The following C2CD3 variants were observed in gnomAD, a reference collection of about 807,000 sequenced individuals.
The protein encoded by C2CD3 is C2 domain-containing protein 3.
C2CD3 carries 148 observed loss-of-function variants against 234.0 expected under a neutral mutation model. The ratio of observed to expected loss-of-function variants is 0.63; its 90% CI spans 0.55 to 0.72. The LOEUF (loss-of-function observed/expected upper bound fraction) is 0.72. Among genes scored for constraint, C2CD3 ranks in the 30% least tolerant of loss-of-function variants. The pLI, the probability that C2CD3 is intolerant of heterozygous loss-of-function variation, is 0.00. For missense variants in C2CD3, 2,577 were observed against 2,811.5 expected (o/e 0.92, Z 1.89); for synonymous variants, 1,000 against 1,035.4 (o/e 0.97, Z 0.66).
In C2CD3 at chr11:74,103,480, T is replaced by G; in HGVS notation, c.2231A>C (p.Lys744Thr). The G allele has an allele frequency of 1.9e-6, 3 of 1,614,246 alleles. No individual in the cohort carries two copies. The highest frequency in any genetic ancestry group is 2.5e-6 in the Non-Finnish European group (3 of 1,180,044). The change falls in exon 14 of 33, where the codon AAA becomes ACA. Residue 744 changes from lysine (K) to threonine (T), a missense_variant. Lys to Thr is a moderately conservative substitution (Grantham distance 78, BLOSUM62 -1). Coordinates refer to ENST00000334126, the MANE Select transcript of C2CD3 (RefSeq NM_001286577.2). Reference sequence around the variant, plus strand: ...AATTTGGTTTAAGTTTTGTGGATTTTTGGTACAGGTCATATCTTGGTTAAG... The same window carrying G: ...AATTTGGTTTAAGTTTTGTGGATTTGTGGTACAGGTCATATCTTGGTTAAG... ...PELNQDMTCT[K>T]NPQNLNQIHE... is the part of the protein sequence containing the mutation.
intron 32 of C2CD3, among the ~76,000 whole-genome samples, chr11:74,023,782 C>T (rs932795473): frequency 2.6e-5 from 4 of 152,294 alleles, no homozygotes; most frequent in South Asian, 2.1e-4. Flanking sequence ...CCCTTGGTCT[C>T]GCATGCCACT....
At chr11:74,020,284 C>T (rs1952032999) in intron 32 of C2CD3, among the ~76,000 whole-genome samples, 1 of 152,210 alleles carries the variant, frequency 6.6e-6, no homozygotes, top group African/African-American at 2.4e-5. Context: ...CAGTCCAGGC[C>T]CATCTCTTCC....
At chr11:74,021,863 C>T (rs577364857) in intron 32 of C2CD3, among the ~76,000 whole-genome samples, 4 of 152,248 alleles carry the variant, frequency 2.6e-5, no homozygotes, top group South Asian at 2.1e-4. Context: ...CAGTGGCTTA[C>T]GCTTGTAATC....
intron 3 of C2CD3, among the ~76,000 whole-genome samples, chr11:74,141,217 A>C (rs1380478301): frequency 6.6e-6 from 1 of 152,260 alleles, no homozygotes; most frequent in Non-Finnish European, 1.5e-5. Context: ...CACAAACTCA[A>C]TAAAACATGC....
In C2CD3 at chr11:74,066,272, G is replaced by GAACATCACACACTGGGGCCT. The variant is rs1188973165; in HGVS notation, c.4951+7980_4951+7981insAGGCCCCAGTGTGTGATGTT. On this transcript the variant is annotated intron_variant, in intron 24 of 32. Transcript: ENST00000334126. ...TGAGAACACTTGGACACAGGAGGGG[G>GAACATCACACACTGGGGCCT]GAGGGATAGTGTTAGGAGATATACC... Among the ~76,000 whole-genome samples the GAACATCACACACTGGGGCCT allele has an allele frequency of 5.9e-3, 338 of 57,208 alleles. 7 individuals carry two copies. Among genetic ancestry groups the GAACATCACACACTGGGGCCT allele is most frequent in the Middle Eastern group, 0.03 (4 of 132 alleles). 37.5% of individuals were successfully genotyped at this position (57,208 alleles called of 152,430 possible).
intron 23 of C2CD3, among the ~76,000 whole-genome samples, chr11:74,076,153 T>C (rs1171482574): frequency 6.6e-6 from 1 of 152,180 alleles, no homozygotes; most frequent in Non-Finnish European, 1.5e-5. Flanking sequence ...TGTAGTCCCT[T>C]TGAAGGGACT....
At chr11:74,059,785 A>C (rs1333533826) in intron 24 of C2CD3, among the ~76,000 whole-genome samples, 1 of 152,168 alleles carries the variant, frequency 6.6e-6, no homozygotes. Flanking sequence ...GGGGCTTATC[A>C]GACAGTGGGT....
At chr11:74,079,836 T>C (rs1955256203) in intron 22 of C2CD3, among the ~76,000 whole-genome samples, 1 of 152,116 alleles carries the variant, frequency 6.6e-6, no homozygotes, top group Non-Finnish European at 1.5e-5. Context: ...TTAGAATTTC[T>C]CAGGTTTTAG....
intron 28 of C2CD3, among the ~76,000 whole-genome samples, chr11:74,044,446 T>C (rs1953252755): frequency 6.7e-6 from 1 of 148,574 alleles, no homozygotes; most frequent in Non-Finnish European, 1.5e-5. Flanking sequence ...ACAGCAAGAC[T>C]GTCTCAAAAA....
chr11:74,170,868 C>T lies in C2CD3; in HGVS notation c.-76G>A. The T allele has an allele frequency of 1.2e-6, 2 of 1,602,530 alleles. No homozygotes were observed. The highest frequency in any genetic ancestry group is 1.1e-5 in the South Asian group (1 of 90,284). ...GCAGTATCCTCCCGCCATCCCTCCC[C>T]ACGGCGCCTGCGTTCCCCGGCAACC... is the stretch of plus-strand genomic sequence containing the variant. On this transcript the variant is annotated 5_prime_UTR_variant, in exon 1 of 33. Coordinates refer to ENST00000334126, the MANE Select transcript of C2CD3 (RefSeq NM_001286577.2).
chr11:74,096,911 G>A (rs1345339031), intron 16 of C2CD3, among the ~76,000 whole-genome samples: 1 of 152,138 alleles, frequency 6.6e-6, no homozygotes, highest in East Asian at 1.9e-4. Context: ...CTAGGAGGTG[G>A]AGGTGGGTGG....
In C2CD3 at chr11:74,028,393, C is replaced by A. The variant is rs1056578921; in HGVS notation, c.6815G>T (p.Gly2272Val). 9 of 1,534,628 alleles carry A rather than the reference C, an allele frequency of 5.9e-6. No individual in the cohort carries two copies. In the African/African-American group the frequency reaches 1.2e-4, roughly 21 times the overall value. ...TSTKQSLLLP[G>V]PIVVPNFFLP... ...AAAGAAGTTGGGCACCACAATGGGC[C>A]CTGGGCTACAATGGTAGTTAAGGGA... The change falls in exon 32 of 33, where the codon GGG becomes GTG. Residue 2272 changes from glycine to valine, a missense_variant. By Grantham distance (109) the Gly-to-Val change is moderately radical. Coordinates refer to ENST00000334126, the MANE Select transcript of C2CD3 (RefSeq NM_001286577.2).
chr11:74,078,117 C>T lies in C2CD3; in HGVS notation c.4601G>A (p.Ser1534Asn), dbSNP rs1248402318. The T allele has an allele frequency of 1.9e-6, 3 of 1,611,632 alleles. No homozygotes were observed. Among genetic ancestry groups the T allele is most frequent in the Non-Finnish European group, 2.5e-6 (3 of 1,178,742 alleles). The change falls in exon 23 of 33, where the codon AGT becomes AAT. Residue 1534 changes from serine to asparagine, a missense_variant and splice_region_variant. Ser to Asn is a conservative substitution (Grantham distance 46). Transcript: ENST00000334126. ...GERSARTLTV[S>N]GVYPLFGRNA... ...GTTGAATCAGGCTCCTCACTTACCA[C>T]TGACAGTTAGCGTCCTCGCTGACCT...
Position 74,078,655 on chromosome 11 carries a change from G to A in C2CD3, c.4063C>T (p.Leu1355Phe). 6.2e-7 allele frequency: 1 copy of A among 1,614,094 alleles called. No individual in the cohort carries two copies. The highest frequency in any genetic ancestry group is 8.5e-7 in the Non-Finnish European group (1 of 1,179,974). ...EDGGLPHGLE[L>F]MQKIVGGLEL... ...AGACCACCCACGATCTTCTGCATGA[G>A]CTCCAGGCCATGAGGTAGGCCCCCG... The change falls in exon 23 of 33, where the codon CTC becomes TTC. Residue 1355 changes from leucine (L) to phenylalanine (F), a missense_variant. By Grantham distance (22) the Leu-to-Phe change is conservative. Coordinates refer to ENST00000334126, the MANE Select transcript of C2CD3 (RefSeq NM_001286577.2).
At position 74,085,544 on chromosome 11, in the gene C2CD3, C is replaced by T. The variant is rs1335559502; in HGVS notation, c.3910+74G>A. 12 of 1,463,498 alleles carry T rather than the reference C, an allele frequency of 8.2e-6. No homozygotes were observed. The African/African-American group carries it at 1.5e-4, about 19-fold the overall frequency. The allele number at this position is 1,463,498 out of a possible 1,614,324, so 90.7% of individuals were successfully genotyped here. On this transcript the variant is annotated intron_variant, in intron 21 of 32. Transcript: ENST00000334126. ...CACCTTTAAATACTGCAGTATGTAT[C>T]TCCTAGGAAGGGCTATACTATTCAC...
chr11:74,124,465 T>G (rs1483178839), intron 7 of C2CD3, among the ~76,000 whole-genome samples: 1 of 152,162 alleles, frequency 6.6e-6, no homozygotes, highest in Non-Finnish European at 1.5e-5. Flanking sequence ...CCTATGCATT[T>G]CAGATCCCTG....
intron 31 of C2CD3, 66 bp downstream of exon 31, chr11:74,033,285 C>A: frequency 7.2e-7 from 1 of 1,389,248 alleles, no homozygotes; most frequent in South Asian, 1.4e-5. Flanking sequence ...GCCACTTGCT[C>A]ACACTCACAC....
At chr11:74,161,854 C>A (rs368580725) in intron 2 of C2CD3, among the ~76,000 whole-genome samples, 1 of 144,112 alleles carries the variant, frequency 6.9e-6, no homozygotes, top group Non-Finnish European at 1.5e-5. Flanking sequence ...GGGTCTCTGT[C>A]GCCCAGGCTG....
Position 74,092,591 on chromosome 11 carries a change from G to A in C2CD3, c.3345-3C>T. On this transcript the variant is annotated splice_region_variant and splice_polypyrimidine_tract_variant and intron_variant, in intron 18 of 32. Coordinates refer to ENST00000334126, the MANE Select transcript of C2CD3 (RefSeq NM_001286577.2). ...CTCTCACATTAGGATAATAGTATCT[G>A]TAAACCACAAAAGCACACGTTGTCA... The A allele has an allele frequency of 6.2e-7, 1 of 1,608,264 alleles. No homozygotes were observed. The highest frequency in any genetic ancestry group is 8.5e-7 in the Non-Finnish European group (1 of 1,176,762).
Sources: gnomAD v4.1 joint callset for allele counts (sites outside exome capture counted in the v4.1 genomes callset) on GRCh38, gnomAD v4.1.1 for gene constraint, MANE v1.5 for transcripts, NCBI Gene and HGNC (gene_info 2026-07-23, HGNC 2026-07-21) for gene names.